The following NCAM2 variants were observed in gnomAD, a reference collection of about 807,000 sequenced individuals.
NCAM2 encodes the protein neural cell adhesion molecule 2, also known as N-CAM-2.
In NCAM2, 30 loss-of-function variants were observed where a neutral mutation model predicts 98.1. That is an observed-to-expected ratio of 0.31 (90% CI 0.23 to 0.41). The LOEUF is 0.41. NCAM2 is among the 10% of genes least tolerant of loss of function. The pLI is 1.00. For missense variants in NCAM2, 867 were observed against 1,005.8 expected (o/e 0.86, Z 1.87); for synonymous variants, 368 against 342.4 (o/e 1.07, Z -0.83).
At chr21:21,519,262 T>G (rs1169609839) in intron 16 of NCAM2, among the ~76,000 whole-genome samples, 1 of 152,102 alleles carries the variant, frequency 6.6e-6, no homozygotes, top group Non-Finnish European at 1.5e-5. Flanking sequence ...TTTGCTATTG[T>G]GTGAAGAATG....
At chr21:21,226,212 C>A (rs1487810649) in intron 1 of NCAM2, among the ~76,000 whole-genome samples, 4 of 152,034 alleles carry the variant, frequency 2.6e-5, no homozygotes, top group East Asian at 3.9e-4. Flanking sequence ...GTGCTACGTG[C>A]ACTACTGGGA....
chr21:21,219,928 C>A (rs1398484337), intron 1 of NCAM2, among the ~76,000 whole-genome samples: 5 of 151,792 alleles, frequency 3.3e-5, no homozygotes, highest in African/African-American at 1.2e-4. Context: ...TAACAAAAAA[C>A]ATAAAACAGT....
At chr21:21,491,597 A>G (rs1271642684) in intron 15 of NCAM2, among the ~76,000 whole-genome samples, 1 of 151,788 alleles carries the variant, frequency 6.6e-6, no homozygotes, top group Non-Finnish European at 1.5e-5. Context: ...ATATAAACAG[A>G]AAAGTCATAT....
intron 12 of NCAM2, among the ~76,000 whole-genome samples, chr21:21,463,097 C>CT (rs1359211251): frequency 1.3e-5 from 2 of 152,100 alleles, no homozygotes; most frequent in Non-Finnish European, 2.9e-5. Context: ...AGGTACAACT[C>CT]TATTATTGAG....
chr21:21,102,971 T>C (rs1383714140), intron 1 of NCAM2, among the ~76,000 whole-genome samples: 1 of 152,050 alleles, frequency 6.6e-6, no homozygotes, highest in Non-Finnish European at 1.5e-5. Context: ...TTAAGTCCCA[T>C]CACCTAATGC....
intron 1 of NCAM2, among the ~76,000 whole-genome samples, chr21:21,269,241 G>A (rs1556311): frequency 0.77 from 116,325 of 152,022 alleles, 44,648 homozygotes; most frequent in South Asian, 0.85. Flanking sequence ...ATAATATAAA[G>A]AGCTCCTGCA....
chr21:21,349,935 G>GGT (rs2075290222), intron 8 of NCAM2, among the ~76,000 whole-genome samples: 1 of 152,132 alleles, frequency 6.6e-6, no homozygotes, highest in Non-Finnish European at 1.5e-5. Flanking sequence ...AGTATAGTGA[G>GGT]GTGGGGCGTG....
rs992747698 is a variant in NCAM2, at chr21:21,436,771, T to C, written c.1654+4490T>C. ...TCTACAGAAGCAACTTTTTTTTTCT[T>C]TTTTTTTTTTGAGACAGAATCTTGC... On this transcript the variant is annotated intron_variant, in intron 12 of 17. Transcript: ENST00000400546. 3.9e-3 allele frequency among the ~76,000 whole-genome samples: 418 copies of C among 106,170 alleles called. 3 individuals are homozygous for C. The highest frequency in any genetic ancestry group is 0.014 in the African/African-American group (404 of 27,884). 69.7% of individuals were successfully genotyped at this position (106,170 alleles called of 152,430 possible).
At chr21:21,375,232 A>C (rs78949870) in intron 9 of NCAM2, among the ~76,000 whole-genome samples, 2 of 151,038 alleles carry the variant, frequency 1.3e-5, no homozygotes, top group East Asian at 1.9e-4. Flanking sequence ...AAAAAAAAAA[A>C]CACCCACTGA....
At chr21:21,170,060 G>A (rs2068071963) in intron 1 of NCAM2, among the ~76,000 whole-genome samples, 1 of 152,180 alleles carries the variant, frequency 6.6e-6, no homozygotes, top group South Asian at 2.1e-4. Flanking sequence ...AGATACCACA[G>A]CACCCTTATT....
At chr21:21,324,600 A>T in intron 6 of NCAM2, 100 bp downstream of exon 6, 1 of 870,004 alleles carries the variant, frequency 1.1e-6, no homozygotes, top group Non-Finnish European at 1.8e-6. Flanking sequence ...AAACCATTGC[A>T]TTTTAGTTTC....
At chr21:21,395,345 G>GA (rs1207941357) in intron 9 of NCAM2, among the ~76,000 whole-genome samples, 7 of 149,182 alleles carry the variant, frequency 4.7e-5, no homozygotes, top group East Asian at 2.0e-4. Flanking sequence ...TTGTCTCAAA[G>GA]AAAAAAAAAG....
chr21:21,353,897 A>G (rs996886835), intron 8 of NCAM2, among the ~76,000 whole-genome samples: 8 of 152,220 alleles, frequency 5.3e-5, no homozygotes, highest in South Asian at 2.1e-4. Flanking sequence ...TTCTTCATCT[A>G]TTTTTCAAAC....
chr21:21,509,343 A>C (rs368967203), intron 16 of NCAM2, among the ~76,000 whole-genome samples: 1 of 152,134 alleles, frequency 6.6e-6, no homozygotes, highest in African/African-American at 2.4e-5. Flanking sequence ...AGATGGATGG[A>C]TAGTTGTGCA....
At chr21:21,510,512 A>T (rs1364289551) in intron 16 of NCAM2, among the ~76,000 whole-genome samples, 1 of 152,068 alleles carries the variant, frequency 6.6e-6, no homozygotes, top group African/African-American at 2.4e-5. Context: ...TATTTCAAGG[A>T]CTGATGCTTT....
intron 1 of NCAM2, among the ~76,000 whole-genome samples, chr21:21,069,964 A>G (rs1356526168): frequency 6.6e-6 from 1 of 152,056 alleles, no homozygotes; most frequent in Non-Finnish European, 1.5e-5. Context: ...TTTTCTTGCA[A>G]TTACCTTCAC....
chr21:21,329,202 C>T (rs1397670294), intron 6 of NCAM2, among the ~76,000 whole-genome samples: 1 of 152,104 alleles, frequency 6.6e-6, no homozygotes, highest in Non-Finnish European at 1.5e-5. Flanking sequence ...CCGCGTCCGC[C>T]TCCCAAAGTG....
intron 8 of NCAM2, among the ~76,000 whole-genome samples, chr21:21,347,266 C>T (rs2075216327): frequency 1.3e-5 from 2 of 151,794 alleles, no homozygotes; most frequent in Non-Finnish European, 1.5e-5. Flanking sequence ...TACATACAAC[C>T]TACACATAAA....
chr21:21,198,196 G>A (rs1449761542), intron 1 of NCAM2, among the ~76,000 whole-genome samples: 12 of 66,012 alleles, frequency 1.8e-4, no homozygotes, highest in Non-Finnish European at 2.7e-4. Context: ...GTGTGTGTGT[G>A]TGTGTGTGTG....
Sources: allele counts gnomAD v4.1 joint callset (sites outside exome capture counted in the v4.1 genomes callset), GRCh38; gene constraint gnomAD v4.1.1; transcripts MANE v1.5; gene names NCBI Gene and HGNC (gene_info 2026-07-23, HGNC 2026-07-21).